The following TTC27 variants were observed in gnomAD, a reference collection of about 807,000 sequenced individuals.
TTC27 encodes the protein tetratricopeptide repeat domain 27.
Under a neutral mutation model 115.9 loss-of-function variants are expected in TTC27, and 79 were observed. That is an observed-to-expected ratio of 0.68 (90% CI 0.57 to 0.82). The LOEUF is 0.82. TTC27 is among the 40% of genes least tolerant of loss of function. The pLI is 0.00. For missense variants in TTC27, 1,054 were observed against 993.1 expected, an observed-to-expected ratio of 1.06 and a Z score of -0.82; for synonymous variants, 401 against 356.0, an observed-to-expected ratio of 1.13 and a Z score of -1.42.
intron 18 of TTC27, 147 bp from the exon 19 acceptor site, chr2:32,817,310 A>G (rs1671534062): frequency 1.6e-6 from 1 of 628,006 alleles, no homozygotes; most frequent in East Asian, 2.8e-5. Flanking sequence ...CATAATTATT[A>G]TTCTTTTTCA....
chr2:32,660,372 A>G (rs913118847), intron 5 of TTC27, among the ~76,000 whole-genome samples: 1 of 152,176 alleles, frequency 6.6e-6, no homozygotes, highest in African/African-American at 2.4e-5. Flanking sequence ...GATAGACTGG[A>G]TAAAGAAAAT....
chr2:32,794,532 T>G (rs1670637336), intron 16 of TTC27, among the ~76,000 whole-genome samples: 1 of 151,598 alleles, frequency 6.6e-6, no homozygotes, highest in Admixed American at 6.6e-5. Flanking sequence ...ACTTTACAAC[T>G]TAAAGAGCAA....
At chr2:32,746,921 A>G (rs1668852479) in intron 12 of TTC27, among the ~76,000 whole-genome samples, 1 of 152,232 alleles carries the variant, frequency 6.6e-6, no homozygotes, top group Non-Finnish European at 1.5e-5. Flanking sequence ...GGCAGAAAGA[A>G]GAGGTATAAG....
chr2:32,628,570 G>T (rs2063530448), intron 1 of TTC27, among the ~76,000 whole-genome samples, 190 bp downstream of exon 1: 1 of 151,996 alleles, frequency 6.6e-6, no homozygotes, highest in Non-Finnish European at 1.5e-5. Flanking sequence ...ACTTCTTACC[G>T]CCCAGGTTCA....
At chr2:32,779,862 G>A (rs1417841143) in intron 14 of TTC27, among the ~76,000 whole-genome samples, 1 of 152,090 alleles carries the variant, frequency 6.6e-6, no homozygotes, top group African/African-American at 2.4e-5. Flanking sequence ...TCTTTTACAT[G>A]TAGATATCCA....
chr2:32,671,550 C>T (rs1262245498), intron 7 of TTC27, among the ~76,000 whole-genome samples: 1 of 152,146 alleles, frequency 6.6e-6, no homozygotes, highest in African/African-American at 2.4e-5. Flanking sequence ...TATTCTATTC[C>T]ATTCACTTTA....
At chr2:32,820,704 A>G in intron 19 of TTC27, 112 bp from the exon 20 acceptor site, 1 of 964,278 alleles carries the variant, frequency 1.0e-6, no homozygotes, top group South Asian at 3.8e-5. Flanking sequence ...TTGCTATTAT[A>G]ATTGTATAGT....
chr2:32,639,028 T>C (rs561906769), intron 3 of TTC27, among the ~76,000 whole-genome samples: 36 of 152,118 alleles, frequency 2.4e-4, no homozygotes, highest in African/African-American at 8.7e-4. Flanking sequence ...GAGACAGGGT[T>C]TCACCGTGTT....
chr2:32,723,728 C>CTCCT (rs3077160), intron 10 of TTC27, among the ~76,000 whole-genome samples: 772 of 29,450 alleles, frequency 0.026, 23 homozygotes, highest in African/African-American at 0.029. Flanking sequence ...CCCTCCCTCC[C>CTCCT]TCCTTCCTTC....
At chr2:32,715,168 A>G (rs1403287412) in intron 10 of TTC27, among the ~76,000 whole-genome samples, 1 of 152,114 alleles carries the variant, frequency 6.6e-6, no homozygotes, top group Non-Finnish European at 1.5e-5. Context: ...TCAGAATAGT[A>G]CTTTCTAGGT....
chr2:32,678,718 T>C, intron 8 of TTC27, 138 bp from the exon 9 acceptor site: 3 of 589,650 alleles, frequency 5.1e-6, no homozygotes, highest in Non-Finnish European at 8.5e-6. Flanking sequence ...TGAGCCACTG[T>C]GCCCGGCCCC....
At chr2:32,661,363 A>G (rs968417759) in intron 5 of TTC27, among the ~76,000 whole-genome samples, 2 of 152,166 alleles carry the variant, frequency 1.3e-5, no homozygotes, top group African/African-American at 2.4e-5. Flanking sequence ...TTTGGGCAAT[A>G]TGGCCATTTT....
At chr2:32,678,253 C>CAAA (rs10710939) in intron 8 of TTC27, among the ~76,000 whole-genome samples, 3 of 99,108 alleles carry the variant, frequency 3.0e-5, no homozygotes, top group Non-Finnish European at 4.1e-5. Flanking sequence ...AGCCCTGTCT[C>CAAA]AAAAAAAAAA....
At chr2:32,670,337 C>T (rs1665966570) in intron 7 of TTC27, among the ~76,000 whole-genome samples, 1 of 152,136 alleles carries the variant, frequency 6.6e-6, no homozygotes, top group Non-Finnish European at 1.5e-5. Flanking sequence ...GTCACCACCA[C>T]CACAATGAAA....
chr2:32,672,423 C>A, intron 8 of TTC27, 39 bp downstream of exon 8: 1 of 1,414,226 alleles, frequency 7.1e-7, no homozygotes, highest in Non-Finnish European at 1.0e-6. Flanking sequence ...GAACACTTTG[C>A]ATATTGATTC....
At chr2:32,718,569 C>G (rs1161367126) in intron 10 of TTC27, among the ~76,000 whole-genome samples, 11 of 151,884 alleles carry the variant, frequency 7.2e-5, no homozygotes, top group African/African-American at 2.7e-4. Context: ...TATGACCTGT[C>G]TTATATGTTC....
intron 10 of TTC27, 57 bp from the exon 11 acceptor site, chr2:32,733,771 C>A (rs1668367153): frequency 8.9e-7 from 1 of 1,118,438 alleles, no homozygotes; most frequent in Non-Finnish European, 1.3e-6. Context: ...ACAATAAGGA[C>A]TTATTTATAT....
intron 5 of TTC27, 94 bp downstream of exon 5, chr2:32,650,327 T>C: frequency 1.3e-6 from 1 of 762,998 alleles, no homozygotes; most frequent in Non-Finnish European, 2.0e-6. Flanking sequence ...TGTCCGGTAG[T>C]AGTGCCTTTT....
At chr2:32,751,406 G>A (rs1376986643) in intron 12 of TTC27, among the ~76,000 whole-genome samples, 2 of 151,978 alleles carry the variant, frequency 1.3e-5, no homozygotes, top group African/African-American at 2.4e-5. Context: ...GAGTATGTAC[G>A]CTTCAGGGGC....
Sources: gnomAD v4.1 joint callset for allele counts (sites outside exome capture counted in the v4.1 genomes callset) on GRCh38, gnomAD v4.1.1 for gene constraint, MANE v1.5 for transcripts, NCBI Gene and HGNC (gene_info 2026-07-23, HGNC 2026-07-21) for gene names.